STK39: variants seen among roughly 807,000 people sequenced by gnomAD.
The protein encoded by STK39 is serine/threonine kinase 39.
In STK39, 20 loss-of-function variants were observed where a neutral mutation model predicts 77.8. That is an observed-to-expected ratio of 0.26 (90% CI 0.18 to 0.37). The LOEUF is 0.37. Ranked by LOEUF, STK39 falls within the 10% of genes least tolerant of loss-of-function variation. The probability of loss-of-function intolerance (pLI) is 1.00; values close to 1 mark genes in which losing one functional copy is unlikely to be tolerated. For missense variants in STK39, 479 were observed against 656.5 expected, an observed-to-expected ratio of 0.73 and a Z score of 2.95; for synonymous variants, 246 against 234.1, an observed-to-expected ratio of 1.05 and a Z score of -0.47.
At chr2:168,138,251 T>C in intron 7 of STK39, 30 bp from the exon 8 acceptor site, 5 of 1,601,506 alleles carry the variant, frequency 3.1e-6, no homozygotes, top group Non-Finnish European at 4.3e-6. Context: ...GAAGACAGAA[T>C]CTCAGTATAG....
intron 10 of STK39, among the ~76,000 whole-genome samples, chr2:168,078,063 G>T (rs537699165): frequency 4.9e-4 from 74 of 152,200 alleles, no homozygotes; most frequent in Admixed American, 1.8e-3. Context: ...GTGGTAGAAA[G>T]AATTTATTCT....
chr2:168,126,234 G>C (rs909147863), intron 10 of STK39, among the ~76,000 whole-genome samples: 1 of 152,052 alleles, frequency 6.6e-6, no homozygotes, highest in Non-Finnish European at 1.5e-5. Flanking sequence ...CAACATCAAC[G>C]AGTAGCCTCT....
intron 8 of STK39, among the ~76,000 whole-genome samples, chr2:168,132,037 A>G (rs935153849): frequency 4.6e-5 from 7 of 152,240 alleles, no homozygotes; most frequent in African/African-American, 1.4e-4. Context: ...CAAGAGGGGC[A>G]GCAGCACATT....
intron 1 of STK39, 53 bp downstream of exon 1, chr2:168,247,175 G>T (rs932409675): frequency 9.5e-7 from 1 of 1,052,756 alleles, no homozygotes; most frequent in Non-Finnish European, 1.1e-6. Flanking sequence ...GCCCCCTCCC[G>T]CCCGGCCTCG....
intron 10 of STK39, among the ~76,000 whole-genome samples, chr2:168,127,798 A>G (rs561347909): frequency 6.6e-6 from 1 of 152,336 alleles, no homozygotes; most frequent in African/African-American, 2.4e-5. Context: ...CGGGGAATGG[A>G]GGGAGAACAG....
intron 1 of STK39, among the ~76,000 whole-genome samples, chr2:168,213,151 A>C (rs180703994): frequency 6.6e-5 from 10 of 152,356 alleles, no homozygotes; most frequent in African/African-American, 2.2e-4. Context: ...GGTGACAGCA[A>C]ATGTCTAACA....
chr2:167,977,079 C>T lies in STK39; in HGVS notation c.1499-12353G>A, dbSNP rs141950966. ...AAAGAAAACATAGAAATACACCTGC[C>T]ATTCTCCTTACAGTTCAGGTAAATT... On this transcript the variant is annotated intron_variant, in intron 16 of 17. Coordinates refer to ENST00000355999, the MANE Select transcript of STK39 (RefSeq NM_013233.3). Among the ~76,000 whole-genome samples the T allele has an allele frequency of 1.1e-3, 174 of 152,268 alleles. 2 individuals carry two copies. Among genetic ancestry groups the T allele is most frequent in the African/African-American group, 3.7e-3 (152 of 41,538 alleles).
chr2:168,078,097 A>T (rs1042027222), intron 10 of STK39, among the ~76,000 whole-genome samples: 2 of 152,190 alleles, frequency 1.3e-5, no homozygotes, highest in Admixed American at 6.5e-5. Context: ...CAGGGATTTT[A>T]AAAAATCCAT....
At chr2:168,179,715 AC>A (rs559088131) in intron 2 of STK39, among the ~76,000 whole-genome samples, 7 of 152,174 alleles carry the variant, frequency 4.6e-5, no homozygotes, top group Non-Finnish European at 1.0e-4. Flanking sequence ...AGACAGCTCT[AC>A]CTAAGTTACA....
At position 168,163,825 on chromosome 2, in the gene STK39, T is replaced by C. The variant is rs1188098968; in HGVS notation, c.486A>G (p.Gly162=). The part of the protein sequence containing the change: ...YIVNRGEHKN[G]VLEEAIIATI... ...TTGCTATTATTGCCTCTTCCAGAACTCCATTCTTGTGTTCTCCTCGGTTGA... is the reference window on the plus strand; with the variant it reads ...TTGCTATTATTGCCTCTTCCAGAACCCCATTCTTGTGTTCTCCTCGGTTGA... The change falls in exon 4 of 18, where the codon GGA becomes GGG. Residue 162 remains glycine, a synonymous_variant. Coordinates refer to ENST00000355999, the MANE Select transcript of STK39 (RefSeq NM_013233.3). 2 of 1,614,006 alleles carry C rather than the reference T, an allele frequency of 1.2e-6. No homozygotes were observed. Among genetic ancestry groups the C allele is most frequent in the Admixed American group, 1.7e-5 (1 of 60,012 alleles).
rs186937940 is a variant in STK39, at chr2:167,959,911, A to C, written c.1564-4341T>G. Among the ~76,000 whole-genome samples the C allele has an allele frequency of 8.5e-4, 129 of 152,282 alleles. 2 individuals are homozygous for C. The highest frequency in any genetic ancestry group is 6.7e-3 in the Admixed American group (102 of 15,296). On this transcript the variant is annotated intron_variant, in intron 17 of 17. Coordinates refer to ENST00000355999, the MANE Select transcript of STK39 (RefSeq NM_013233.3). ...ACAGTGGAAAAGGCAAGTCACAAAG[A>C]GTTTTGACATCCAGGATCCCCTAGA...
At position 168,096,242 on chromosome 2, in the gene STK39, G is replaced by A. The variant is rs564282427; in HGVS notation, c.1090-21011C>T. Among the ~76,000 whole-genome samples the A allele has an allele frequency of 1.3e-4, 20 of 152,200 alleles. No individual in the cohort carries two copies. In the East Asian group the frequency reaches 1.4e-3, roughly 10 times the overall value. ...AGAAAATAAAGACTAGAACAAGGATGTGATTAGAATCCTTCCACTGGGTGA... is the reference window on the plus strand; with the variant it reads ...AGAAAATAAAGACTAGAACAAGGATATGATTAGAATCCTTCCACTGGGTGA... On this transcript the variant is annotated intron_variant, in intron 10 of 17. Transcript: ENST00000355999.
At chr2:167,987,377 T>TCA (rs1683587499) in intron 16 of STK39, among the ~76,000 whole-genome samples, 1 of 152,130 alleles carries the variant, frequency 6.6e-6, no homozygotes, top group South Asian at 2.1e-4. Flanking sequence ...TGTGATAGCA[T>TCA]CACCCCTCTT....
At chr2:168,234,245 T>C (rs1690538614) in intron 1 of STK39, among the ~76,000 whole-genome samples, 1 of 152,184 alleles carries the variant, frequency 6.6e-6, no homozygotes, top group Non-Finnish European at 1.5e-5. Context: ...TAACTTTCTG[T>C]GATGAGGGAA....
intron 16 of STK39, among the ~76,000 whole-genome samples, chr2:168,008,665 T>C (rs1018488408): frequency 6.6e-6 from 1 of 151,776 alleles, no homozygotes; most frequent in Non-Finnish European, 1.5e-5. Flanking sequence ...AAGCAGCAAG[T>C]AGAGAAAGAG....
chr2:168,244,548 G>C (rs1365790545), intron 1 of STK39, among the ~76,000 whole-genome samples: 4 of 152,196 alleles, frequency 2.6e-5, no homozygotes, highest in East Asian at 1.9e-4. Flanking sequence ...TGTTGAAACT[G>C]GTTCAGTGTT....
chr2:168,122,886 T>C (rs1171691228), intron 10 of STK39, among the ~76,000 whole-genome samples: 1 of 152,284 alleles, frequency 6.6e-6, no homozygotes, highest in Non-Finnish European at 1.5e-5. Flanking sequence ...ATATTCACTT[T>C]ATCTTTTAAT....
chr2:168,004,686 T>C (rs1684081539), intron 16 of STK39, among the ~76,000 whole-genome samples: 1 of 149,144 alleles, frequency 6.7e-6, no homozygotes, highest in African/African-American at 2.5e-5. Flanking sequence ...TCAGCCGAGA[T>C]TGCACCATTG....
chr2:168,149,698 C>T (rs1688229951), intron 5 of STK39, among the ~76,000 whole-genome samples: 1 of 152,188 alleles, frequency 6.6e-6, no homozygotes, highest in Non-Finnish European at 1.5e-5. Context: ...AAAAAATTAG[C>T]AAGAAAACCG....
Sources: gnomAD v4.1 joint callset for allele counts (sites outside exome capture counted in the v4.1 genomes callset) on GRCh38, gnomAD v4.1.1 for gene constraint, MANE v1.5 for transcripts, NCBI Gene and HGNC (gene_info 2026-07-23, HGNC 2026-07-21) for gene names.